The following DLGAP1 variants were observed in gnomAD, a reference collection of about 807,000 sequenced individuals.
DLGAP1 encodes DLG associated protein 1.
In DLGAP1, 11 loss-of-function variants were observed where a neutral mutation model predicts 90.8. The observed-to-expected ratio is 0.12, with a 90% CI of 0.08 to 0.20. The LOEUF is 0.20. DLGAP1 is among the 10% of genes least tolerant of loss of function. The probability of loss-of-function intolerance (pLI) is 1.00; values close to 1 mark genes in which losing one functional copy is unlikely to be tolerated. For missense variants in DLGAP1, 1,050 were observed against 1,333.8 expected, an observed-to-expected ratio of 0.79 and a Z score of 3.31; for synonymous variants, 558 against 540.7, an observed-to-expected ratio of 1.03 and a Z score of -0.44.
chr18:3,947,923 C>T (rs886525351), intron 3 of DLGAP1, among the ~76,000 whole-genome samples: 1 of 152,050 alleles, frequency 6.6e-6, no homozygotes. Context: ...TGTCTCTGTT[C>T]CAAATAGTGG....
At chr18:3,605,587 C>T (rs2145822462) in intron 7 of DLGAP1, among the ~76,000 whole-genome samples, 1 of 152,322 alleles carries the variant, frequency 6.6e-6, no homozygotes, top group South Asian at 2.1e-4. Context: ...TCTTTTCAAA[C>T]ACTGCTTCGT....
At chr18:4,073,518 A>G (rs2075480988) in intron 2 of DLGAP1, among the ~76,000 whole-genome samples, 1 of 152,172 alleles carries the variant, frequency 6.6e-6, no homozygotes, top group Non-Finnish European at 1.5e-5. Flanking sequence ...GTGCTATCGG[A>G]GGATAATGAA....
intron 1 of DLGAP1, among the ~76,000 whole-genome samples, chr18:4,240,403 T>C (rs1378499609): frequency 1.3e-5 from 2 of 152,004 alleles, no homozygotes; most frequent in African/African-American, 4.8e-5. Context: ...AATAAAGATA[T>C]TAGAAAGAAA....
intron 1 of DLGAP1, among the ~76,000 whole-genome samples, chr18:4,410,374 CAAAT>C (rs1358253911): frequency 1.3e-5 from 2 of 152,058 alleles, no homozygotes; most frequent in Non-Finnish European, 2.9e-5. Context: ...TCAAAACAAT[CAAAT>C]AAAGTTAGCT....
At chr18:3,664,857 A>G (rs2059821281) in intron 7 of DLGAP1, among the ~76,000 whole-genome samples, 1 of 152,236 alleles carries the variant, frequency 6.6e-6, no homozygotes, top group Non-Finnish European at 1.5e-5. Flanking sequence ...AGCAGCTGAT[A>G]AAGACTCCCT....
intron 10 of DLGAP1, among the ~76,000 whole-genome samples, chr18:3,523,774 G>C (rs1226399384): frequency 1.3e-5 from 2 of 151,206 alleles, no homozygotes; most frequent in East Asian, 3.9e-4. Flanking sequence ...TGTGAACTCA[G>C]AAGGCGGAGC....
At chr18:4,062,485 G>A (rs4798160) in intron 2 of DLGAP1, among the ~76,000 whole-genome samples, 35,968 of 152,058 alleles carry the variant, frequency 0.24, 5,446 homozygotes, top group African/African-American at 0.41. Flanking sequence ...GAGGAGAGAA[G>A]CTTACCCAAC....
At chr18:3,502,166 T>C (rs2049974457) in intron 12 of DLGAP1, 2 of 1,174,474 alleles carry the variant, frequency 1.7e-6, no homozygotes, top group Admixed American at 4.3e-5. Context: ...GCACTGAAGA[T>C]GTCATTTATT....
chr18:3,688,939 A>T (rs574058118), intron 7 of DLGAP1, among the ~76,000 whole-genome samples: 1 of 152,304 alleles, frequency 6.6e-6, no homozygotes, highest in African/African-American at 2.4e-5. Context: ...GAATGCTGTC[A>T]TGGAGAACCC....
At chr18:4,202,236 A>G (rs1217139526) in intron 1 of DLGAP1, among the ~76,000 whole-genome samples, 9 of 152,162 alleles carry the variant, frequency 5.9e-5, no homozygotes, top group African/African-American at 2.2e-4. Flanking sequence ...CATTTTCCTA[A>G]GTGAAGTAAC....
intron 1 of DLGAP1, among the ~76,000 whole-genome samples, chr18:4,311,335 G>C (rs1050769703): frequency 6.6e-6 from 1 of 152,198 alleles, no homozygotes; most frequent in African/African-American, 2.4e-5. Flanking sequence ...CTTTTTAAGA[G>C]TGCCCACTGG....
rs887030957 is a variant in DLGAP1 at position 3,816,399 on chromosome 18, A to T, written c.958-2126T>A. Among the ~76,000 whole-genome samples, 23 of 152,240 alleles carry T rather than the reference A, an allele frequency of 1.5e-4. 1 individual carries two copies. The highest frequency in any genetic ancestry group is 5.3e-4 in the African/African-American group (22 of 41,458). The stretch of plus-strand genomic sequence containing the variant: ...CTAAGGAAGTGAGAATAGATGTTCT[A>T]CTAAAAGAGCATAATTCTTTCCTTT... On this transcript the variant is annotated intron_variant, in intron 4 of 12. Coordinates refer to ENST00000315677, the MANE Select transcript of DLGAP1 (RefSeq NM_004746.4).
intron 3 of DLGAP1, chr18:3,895,982 T>C (rs1200041140): frequency 1.3e-5 from 2 of 152,232 alleles, no homozygotes; most frequent in African/African-American, 4.8e-5. Context: ...TCTCTTTCTG[T>C]AGTGAGCAAC....
At chr18:3,860,012 T>A (rs1460618387) in intron 4 of DLGAP1, among the ~76,000 whole-genome samples, 2 of 151,730 alleles carry the variant, frequency 1.3e-5, no homozygotes, top group African/African-American at 4.9e-5. Flanking sequence ...GGCAGGAGAA[T>A]GGCGTGAACC....
intron 5 of DLGAP1, among the ~76,000 whole-genome samples, chr18:3,772,346 C>CTCTTTCTT (rs869167707): frequency 4.4e-3 from 62 of 14,248 alleles, no homozygotes; most frequent in Non-Finnish European, 7.5e-3. Context: ...CTCTCTCTCT[C>CTCTTTCTT]TCTTTCTTTC....
intron 8 of DLGAP1, among the ~76,000 whole-genome samples, chr18:3,568,760 CA>C: frequency 1.3e-5 from 2 of 152,014 alleles, no homozygotes; most frequent in African/African-American, 4.8e-5. Context: ...GATCTCGGCT[CA>C]CCGCAAGCTC....
intron 1 of DLGAP1, among the ~76,000 whole-genome samples, chr18:4,191,041 T>A (rs1005954650): frequency 2.6e-5 from 4 of 152,150 alleles, no homozygotes; most frequent in African/African-American, 9.7e-5. Flanking sequence ...TAGAAAGACT[T>A]CACTTCACAT....
Position 4,355,475 on chromosome 18 carries a change from T to C in DLGAP1, c.-267+99531A>G, listed in dbSNP as rs1231352839. Among the ~76,000 whole-genome samples, 3 of 152,186 alleles carry C rather than the reference T, an allele frequency of 2.0e-5. No individual in the cohort carries two copies. The South Asian group carries it at 6.2e-4, about 31-fold the overall frequency. ...TAAAGGATGTGTGGCTTTAAAGGAA[T>C]AGAATAAGGGTGCCACATAGTTACG... is the stretch of plus-strand genomic sequence containing the variant. On this transcript the variant is annotated intron_variant, in intron 1 of 12. Transcript: ENST00000315677.
intron 7 of DLGAP1, among the ~76,000 whole-genome samples, chr18:3,611,431 C>T (rs1212430431): frequency 6.6e-6 from 1 of 152,186 alleles, no homozygotes; most frequent in Non-Finnish European, 1.5e-5. Flanking sequence ...TACCACTGCA[C>T]TCGCCCCAGC....
Sources: allele counts gnomAD v4.1 joint callset (sites outside exome capture counted in the v4.1 genomes callset), GRCh38; gene constraint gnomAD v4.1.1; transcripts MANE v1.5; gene names NCBI Gene and HGNC (gene_info 2026-07-23, HGNC 2026-07-21).